CCSER1: variants seen among roughly 807,000 people sequenced by gnomAD.
CCSER1 encodes serine-rich coiled-coil domain-containing protein 1.
In CCSER1, 41 loss-of-function variants were observed where a neutral mutation model predicts 82.0. The observed-to-expected ratio is 0.50, with a 90% CI of 0.39 to 0.65. CCSER1 has a LOEUF of 0.65. CCSER1 is among the 30% of genes least tolerant of loss of function. The pLI, the probability that CCSER1 is intolerant of heterozygous loss-of-function variation, is 0.00. For synonymous variants in CCSER1, 414 were observed against 383.9 expected (o/e 1.08, Z -0.92); for missense variants, 1,119 against 1,064.2 (o/e 1.05, Z -0.72).
intron 1 of CCSER1, among the ~76,000 whole-genome samples, chr4:90,141,020 A>ATATC (rs60163485): frequency 0.12 from 17,895 of 145,746 alleles, 1,121 homozygotes; most frequent in Admixed American, 0.16. Context: ...ACCCAGCAAG[A>ATATC]TATCTATCTA....
At chr4:90,943,983 C>G (rs1731920300) in intron 9 of CCSER1, among the ~76,000 whole-genome samples, 1 of 151,736 alleles carries the variant, frequency 6.6e-6, no homozygotes, top group Non-Finnish European at 1.5e-5. Context: ...CCTGTAATCC[C>G]AGCACTTTGG....
intron 10 of CCSER1, among the ~76,000 whole-genome samples, chr4:91,433,919 A>T (rs1197083032): frequency 6.6e-6 from 1 of 152,202 alleles, no homozygotes; most frequent in Non-Finnish European, 1.5e-5. Context: ...CACACTGTAA[A>T]CTAAGTCTAC....
intron 9 of CCSER1, among the ~76,000 whole-genome samples, chr4:91,032,436 C>T (rs1741065301): frequency 6.6e-6 from 1 of 152,160 alleles, no homozygotes; most frequent in South Asian, 2.1e-4. Context: ...CGATGTACAT[C>T]ACAGTGTTAC....
intron 4 of CCSER1, among the ~76,000 whole-genome samples, chr4:90,446,846 T>C (rs966302444): frequency 3.3e-5 from 5 of 152,180 alleles, no homozygotes; most frequent in African/African-American, 1.2e-4. Context: ...CTCAGCCTAC[T>C]TAATGTGAAG....
intron 6 of CCSER1, among the ~76,000 whole-genome samples, chr4:90,689,980 G>T (rs1014806056): frequency 6.6e-6 from 1 of 152,226 alleles, no homozygotes; most frequent in African/African-American, 2.4e-5. Flanking sequence ...TCCTCTGAAG[G>T]GTGAGTTCTA....
At chr4:90,427,184 T>C (rs2153564354) in intron 4 of CCSER1, among the ~76,000 whole-genome samples, 1 of 152,088 alleles carries the variant, frequency 6.6e-6, no homozygotes, top group East Asian at 1.9e-4. Context: ...CCTAGCTCAG[T>C]CACTTAGTTC....
At chr4:90,487,568 A>G (rs1039458700) in intron 5 of CCSER1, among the ~76,000 whole-genome samples, 20 of 152,232 alleles carry the variant, frequency 1.3e-4, no homozygotes, top group Admixed American at 5.2e-4. Flanking sequence ...TCTTTGCACA[A>G]CACCAGATTC....
chr4:91,479,618 T>C (rs1022984071), intron 10 of CCSER1, among the ~76,000 whole-genome samples: 5 of 151,628 alleles, frequency 3.3e-5, no homozygotes, highest in African/African-American at 1.2e-4. Flanking sequence ...GTTCAGGGTA[T>C]GGTAAGATGG....
At position 91,222,447 on chromosome 4, in the gene CCSER1, A is replaced by G. The variant is rs187457673; in HGVS notation, c.2217+136453A>G. Among the ~76,000 whole-genome samples the G allele has an allele frequency of 1.8e-4, 27 of 152,312 alleles. No individual in the cohort carries two copies. In the East Asian group the frequency reaches 2.7e-3, roughly 15 times the overall value. On this transcript the variant is annotated intron_variant, in intron 10 of 10. Coordinates refer to ENST00000509176, the MANE Select transcript of CCSER1 (RefSeq NM_001145065.2). ...AATGTTCAATAAATACAAGATTAGAAATTAGTATTCTATAAGAACTTATCT... is the reference window on the plus strand; with the variant it reads ...AATGTTCAATAAATACAAGATTAGAGATTAGTATTCTATAAGAACTTATCT...
intron 5 of CCSER1, among the ~76,000 whole-genome samples, chr4:90,474,941 G>A (rs78586431): frequency 0.016 from 2,419 of 152,052 alleles, 40 homozygotes; most frequent in African/African-American, 0.047. Context: ...TAATATTGTG[G>A]AAATCCTAAC....
At chr4:91,265,764 ATACTT>A (rs1437394306) in intron 10 of CCSER1, among the ~76,000 whole-genome samples, 5 of 152,244 alleles carry the variant, frequency 3.3e-5, no homozygotes, top group African/African-American at 1.2e-4. Flanking sequence ...ACTATGTTGA[ATACTT>A]TAGGAAGTAT....
intron 8 of CCSER1, among the ~76,000 whole-genome samples, chr4:90,831,414 T>A (rs1021119292): frequency 2.6e-5 from 4 of 152,164 alleles, no homozygotes; most frequent in Admixed American, 6.5e-5. Flanking sequence ...TTTCTATTGA[T>A]GAGCATTTAT....
intron 9 of CCSER1, among the ~76,000 whole-genome samples, chr4:90,988,868 G>A (rs749854992): frequency 5.9e-5 from 9 of 151,766 alleles, no homozygotes; most frequent in Non-Finnish European, 1.3e-4. Context: ...GGTCTGTTTT[G>A]TGGGGTTTTT....
chr4:91,018,594 A>G (rs1049546394), intron 9 of CCSER1, among the ~76,000 whole-genome samples: 44 of 152,158 alleles, frequency 2.9e-4, no homozygotes, highest in African/African-American at 1.0e-3. Context: ...ATGGTTATCA[A>G]ACACTGCATA....
At chr4:90,502,204 G>A (rs1769993731) in intron 5 of CCSER1, among the ~76,000 whole-genome samples, 1 of 152,102 alleles carries the variant, frequency 6.6e-6, no homozygotes, top group Admixed American at 6.6e-5. Flanking sequence ...GGCTGTACAG[G>A]AATCATGGCT....
chr4:90,752,273 G>A lies in CCSER1; in HGVS notation c.2010+28282G>A, dbSNP rs146823758. The stretch of plus-strand genomic sequence containing the variant: ...CAAAATGATTTCAAAACTCATGCCT[G>A]TAAGTACTATGCTATGCTACTTCTC... On this transcript the variant is annotated intron_variant, in intron 7 of 10. Coordinates refer to ENST00000509176, the MANE Select transcript of CCSER1 (RefSeq NM_001145065.2). 6.6e-5 allele frequency among the ~76,000 whole-genome samples: 10 copies of A among 152,202 alleles called. No individual in the cohort carries two copies. In the East Asian group the frequency reaches 1.9e-3, roughly 29 times the overall value.
chr4:90,837,530 T>C (rs1176909480), intron 8 of CCSER1, among the ~76,000 whole-genome samples: 1 of 152,174 alleles, frequency 6.6e-6, no homozygotes, highest in Non-Finnish European at 1.5e-5. Flanking sequence ...TATTACTATG[T>C]TAAACAAAAT....
intron 9 of CCSER1, among the ~76,000 whole-genome samples, chr4:90,924,496 A>G (rs1233557390): frequency 6.6e-6 from 1 of 152,142 alleles, no homozygotes; most frequent in East Asian, 1.9e-4. Flanking sequence ...AAAATTATTC[A>G]ATTATGTTTA....
intron 10 of CCSER1, among the ~76,000 whole-genome samples, chr4:91,540,358 G>A (rs931936757): frequency 4.6e-5 from 7 of 152,050 alleles, no homozygotes; most frequent in Non-Finnish European, 8.8e-5. Context: ...TTATTTCAAT[G>A]TCATTAAAAT....
Sources: gnomAD v4.1 joint callset for allele counts (sites outside exome capture counted in the v4.1 genomes callset) on GRCh38, gnomAD v4.1.1 for gene constraint, MANE v1.5 for transcripts, NCBI Gene and HGNC (gene_info 2026-07-23, HGNC 2026-07-21) for gene names.